The following SGCZ variants were observed in gnomAD, a reference collection of about 807,000 sequenced individuals.
SGCZ encodes sarcoglycan zeta, also known as zeta-sarcoglycan.
In SGCZ, 40 loss-of-function variants were observed where a neutral mutation model predicts 41.3. The ratio of observed to expected loss-of-function variants is 0.97; its 90% confidence interval spans 0.75 to 1.26. The LOEUF (loss-of-function observed/expected upper bound fraction) is 1.26, where lower values mean the gene tolerates loss of function less well. Among genes scored for constraint, SGCZ ranks in the 50% most tolerant of loss-of-function variants. The pLI is 0.00. For synonymous variants in SGCZ, 206 were observed against 137.5 expected (o/e 1.50, Z -3.49); for missense variants, 552 against 369.8 (o/e 1.49, Z -4.04).
chr8:14,640,861 C>T (rs534102193), intron 1 of SGCZ, among the ~76,000 whole-genome samples: 3 of 151,756 alleles, frequency 2.0e-5, no homozygotes, highest in South Asian at 4.1e-4. Context: ...GGGTATGAGA[C>T]ACTAAACAGC....
chr8:14,428,191 C>T (rs1046289953), intron 2 of SGCZ, among the ~76,000 whole-genome samples: 4 of 151,322 alleles, frequency 2.6e-5, no homozygotes, highest in African/African-American at 9.7e-5. Flanking sequence ...TATTTATATG[C>T]ACATAAGCAC....
intron 1 of SGCZ, among the ~76,000 whole-genome samples, chr8:15,203,266 T>C (rs2117139281): frequency 6.6e-6 from 1 of 152,364 alleles, no homozygotes; most frequent in East Asian, 1.9e-4. Context: ...AATGTAAATC[T>C]ATATTCTAAA....
At chr8:14,768,448 G>A (rs956875769) in intron 1 of SGCZ, among the ~76,000 whole-genome samples, 9 of 152,108 alleles carry the variant, frequency 5.9e-5, no homozygotes, top group South Asian at 2.1e-4. Flanking sequence ...GCACTGTGGG[G>A]AATAACAATA....
intron 1 of SGCZ, among the ~76,000 whole-genome samples, chr8:14,922,497 C>CA (rs1799618244): frequency 1.3e-5 from 2 of 151,826 alleles, no homozygotes. Flanking sequence ...TCTTGTTGCC[C>CA]AGGCTGGAGT....
chr8:14,159,847 T>C (rs1480614852), intron 5 of SGCZ, among the ~76,000 whole-genome samples: 1 of 152,124 alleles, frequency 6.6e-6, no homozygotes, highest in Non-Finnish European at 1.5e-5. Flanking sequence ...AACAAGGATG[T>C]AGAAGATGAA....
intron 1 of SGCZ, among the ~76,000 whole-genome samples, chr8:14,966,497 T>G (rs1157299760): frequency 2.0e-5 from 3 of 152,030 alleles, no homozygotes; most frequent in Non-Finnish European, 2.9e-5. Flanking sequence ...ATTCAAATTT[T>G]TACAAAGTCC....
At chr8:14,455,102 G>T (rs1224531349) in intron 2 of SGCZ, among the ~76,000 whole-genome samples, 2 of 151,880 alleles carry the variant, frequency 1.3e-5, no homozygotes, top group Admixed American at 6.6e-5. Flanking sequence ...ATAAGAGGGA[G>T]AAAATATATG....
At chr8:15,115,288 T>C (rs112885064) in intron 1 of SGCZ, among the ~76,000 whole-genome samples, 13 of 152,082 alleles carry the variant, frequency 8.5e-5, no homozygotes, top group African/African-American at 2.7e-4. Context: ...TGGCAGCAAG[T>C]GACACATAAA....
At chr8:14,495,098 C>T (rs1294768366) in intron 2 of SGCZ, among the ~76,000 whole-genome samples, 3 of 152,030 alleles carry the variant, frequency 2.0e-5, no homozygotes, top group African/African-American at 7.2e-5. Flanking sequence ...AGGATTGTTT[C>T]GTACCTCTCA....
At chr8:14,130,801 T>C (rs1223355323) in intron 5 of SGCZ, among the ~76,000 whole-genome samples, 1 of 152,118 alleles carries the variant, frequency 6.6e-6, no homozygotes, top group Non-Finnish European at 1.5e-5. Flanking sequence ...GGCAGGTATG[T>C]TTTTTCATAG....
chr8:14,606,627 A>G (rs1029130748), intron 1 of SGCZ, among the ~76,000 whole-genome samples: 4 of 152,164 alleles, frequency 2.6e-5, no homozygotes, highest in African/African-American at 9.7e-5. Context: ...GAGAAACTGC[A>G]ATTAAATAGG....
intron 2 of SGCZ, among the ~76,000 whole-genome samples, chr8:14,457,315 C>A (rs746595191): frequency 4.6e-5 from 7 of 152,174 alleles, no homozygotes; most frequent in Non-Finnish European, 8.8e-5. Flanking sequence ...CCAGAGGGCT[C>A]CTTGGTCTAG....
At chr8:14,412,584 T>G (rs1389554103) in intron 2 of SGCZ, among the ~76,000 whole-genome samples, 2 of 152,084 alleles carry the variant, frequency 1.3e-5, no homozygotes, top group Non-Finnish European at 2.9e-5. Flanking sequence ...GCATTAACTT[T>G]AAGGAACTAC....
chr8:14,395,892 G>A lies in SGCZ; in HGVS notation c.235-71688C>T, dbSNP rs143100408. Among the ~76,000 whole-genome samples the A allele has an allele frequency of 9.0e-3, 1,371 of 152,268 alleles. 12 individuals are homozygous for A. The highest frequency in any genetic ancestry group is 0.019 in the African/African-American group (788 of 41,562). ...AAGTTACTGCAAAAAGTATCTGTTC[G>A]CTTCTCAATAAATTCTGATGCCTTT... is the stretch of plus-strand genomic sequence containing the variant. On this transcript the variant is annotated intron_variant, in intron 2 of 7. Coordinates refer to ENST00000382080, the MANE Select transcript of SGCZ (RefSeq NM_139167.4).
chr8:14,294,331 T>G (rs992918469), intron 3 of SGCZ, among the ~76,000 whole-genome samples: 2 of 151,842 alleles, frequency 1.3e-5, no homozygotes, highest in African/African-American at 4.8e-5. Context: ...TCCTATGTAA[T>G]CTAAAAGTCA....
At chr8:15,137,456 C>T (rs191843405) in intron 1 of SGCZ, among the ~76,000 whole-genome samples, 37 of 152,294 alleles carry the variant, frequency 2.4e-4, no homozygotes, top group African/African-American at 7.7e-4. Context: ...CAAGGCATGT[C>T]GGGGACCTTC....
At chr8:14,323,765 T>A (rs2117031444) in intron 3 of SGCZ, among the ~76,000 whole-genome samples, 1 of 152,226 alleles carries the variant, frequency 6.6e-6, no homozygotes, top group East Asian at 1.9e-4. Context: ...TTCAAATCAG[T>A]GCCTTTTTGA....
At chr8:14,560,871 CA>C (rs5889539) in intron 1 of SGCZ, among the ~76,000 whole-genome samples, 25,788 of 151,318 alleles carry the variant, frequency 0.17, 2,252 homozygotes, top group South Asian at 0.2. Flanking sequence ...AAACAAAACA[CA>C]AAAAAAAGTT....
At chr8:14,859,842 C>T (rs946871951) in intron 1 of SGCZ, among the ~76,000 whole-genome samples, 1 of 152,132 alleles carries the variant, frequency 6.6e-6, no homozygotes, top group Non-Finnish European at 1.5e-5. Flanking sequence ...TTTTAATTTA[C>T]TATTGTACCC....
Sources: gnomAD v4.1 joint callset for allele counts (sites outside exome capture counted in the v4.1 genomes callset) on GRCh38, gnomAD v4.1.1 for gene constraint, MANE v1.5 for transcripts, NCBI Gene and HGNC (gene_info 2026-07-23, HGNC 2026-07-21) for gene names.